C10orf67: variants seen among roughly 807,000 people sequenced by gnomAD.
C10orf67 encodes chromosome 10 open reading frame 67, also known as uncharacterized protein C10orf67, mitochondrial.
In C10orf67, 60 loss-of-function variants were observed where a neutral mutation model predicts 35.6. The ratio of observed to expected loss-of-function variants is 1.68; its 90% CI spans 1.37 to 2.09. The LOEUF (loss-of-function observed/expected upper bound fraction) is 2.09. C10orf67 is among the 30% of genes most tolerant of loss of function. C10orf67 has a pLI of 0.00. For missense variants in C10orf67, 474 were observed against 330.2 expected, an observed-to-expected ratio of 1.44 and a Z score of -3.38; for synonymous variants, 167 against 115.8, an observed-to-expected ratio of 1.44 and a Z score of -2.84.
At chr10:23,248,898 A>T (rs1842378195) in intron 12 of C10orf67, among the ~76,000 whole-genome samples, 1 of 152,124 alleles carries the variant, frequency 6.6e-6, no homozygotes, top group Non-Finnish European at 1.5e-5. Context: ...AACGATTAAT[A>T]TGATTGTCAA....
At chr10:23,333,204 T>G in intron 1 of C10orf67, 22 bp from the exon 2 acceptor site, 1 of 1,582,690 alleles carries the variant, frequency 6.3e-7, no homozygotes, top group South Asian at 1.1e-5. Context: ...GGAAATGAAA[T>G]GTGCTTTAAG....
intron 10 of C10orf67, among the ~76,000 whole-genome samples, chr10:23,254,425 G>T (rs1399021423): frequency 6.6e-6 from 1 of 152,086 alleles, no homozygotes; most frequent in African/African-American, 2.4e-5. Flanking sequence ...GGCCACGCTG[G>T]TCTTGAACTC....
intron 6 of C10orf67, among the ~76,000 whole-genome samples, chr10:23,290,164 T>C (rs1167992703): frequency 6.6e-6 from 1 of 152,156 alleles, no homozygotes; most frequent in African/African-American, 2.4e-5. Context: ...GATTAAGAAG[T>C]AAGTTCAAGA....
chr10:23,322,574 C>T (rs1216121956), intron 2 of C10orf67, 37 bp from the exon 3 acceptor site: 1 of 1,435,320 alleles, frequency 7.0e-7, no homozygotes, highest in African/African-American at 1.4e-5. Context: ...CGAAGTAACA[C>T]AGGAACAGAA....
In C10orf67 at chr10:23,261,504, G is replaced by T. The variant is rs1024527820; in HGVS notation, c.1200+4758C>A. ...CTTAAAAAATATCTGTAGAGGTGGGGTCTCACTATGTTGCCCAGGCTGGTC... is the reference window on the plus strand; with the variant it reads ...CTTAAAAAATATCTGTAGAGGTGGGTTCTCACTATGTTGCCCAGGCTGGTC... On this transcript the variant is annotated intron_variant, in intron 10 of 15. Transcript: ENST00000636213. Among the ~76,000 whole-genome samples the T allele has an allele frequency of 2.0e-5, 3 of 152,238 alleles. No individual in the cohort carries two copies. In the South Asian group the frequency reaches 6.2e-4, roughly 32 times the overall value.
intron 10 of C10orf67, among the ~76,000 whole-genome samples, chr10:23,259,306 A>T (rs1842686893): frequency 6.6e-6 from 1 of 152,194 alleles, no homozygotes; most frequent in Non-Finnish European, 1.5e-5. Flanking sequence ...TTCCTAATGA[A>T]AAATGCAGAG....
At chr10:23,225,267 C>T (rs1476162653) in intron 13 of C10orf67, among the ~76,000 whole-genome samples, 3 of 151,402 alleles carry the variant, frequency 2.0e-5, no homozygotes, top group Admixed American at 6.6e-5. Flanking sequence ...TCCAGCCAAA[C>T]TAAGCTTCAT....
In C10orf67 at chr10:23,344,554, C is replaced by G; in HGVS notation, c.206+15G>C. On this transcript the variant is annotated intron_variant, in intron 1 of 15. Transcript: ENST00000636213. ...GCTCGCTTCCTCCTCTACCCAGGCG[C>G]GGAGCTCAGCCTACCTCGTGGACCC... 1.3e-6 allele frequency: 2 copies of G among 1,563,700 alleles called. No individual in the cohort carries two copies. The highest frequency in any genetic ancestry group is 1.4e-5 in the African/African-American group (1 of 73,792).
intron 12 of C10orf67, among the ~76,000 whole-genome samples, chr10:23,248,148 G>A (rs112618273): frequency 6.6e-6 from 1 of 152,178 alleles, no homozygotes; most frequent in Admixed American, 6.5e-5. Context: ...TTATGCGCTT[G>A]ATAAACATGG....
intron 13 of C10orf67, among the ~76,000 whole-genome samples, chr10:23,226,046 C>T (rs1360091146): frequency 1.3e-5 from 2 of 152,248 alleles, no homozygotes; most frequent in Admixed American, 1.3e-4. Context: ...AGAAAGTTAA[C>T]AAGGATATCC....
At chr10:23,243,109 G>A (rs944349111) in intron 12 of C10orf67, among the ~76,000 whole-genome samples, 2 of 152,050 alleles carry the variant, frequency 1.3e-5, no homozygotes, top group African/African-American at 4.8e-5. Context: ...AAAGATAAAA[G>A]CATTTCATAA....
chr10:23,290,603 C>A (rs1843692169), intron 6 of C10orf67, among the ~76,000 whole-genome samples: 1 of 152,104 alleles, frequency 6.6e-6, no homozygotes, highest in Non-Finnish European at 1.5e-5. Flanking sequence ...ACAACTTTCA[C>A]CAATGTTTGT....
intron 12 of C10orf67, among the ~76,000 whole-genome samples, chr10:23,244,013 T>G (rs1842251036): frequency 6.6e-6 from 1 of 152,160 alleles, no homozygotes; most frequent in Non-Finnish European, 1.5e-5. Flanking sequence ...TGCCTCAGCC[T>G]CCCATGTAAC....
intron 5 of C10orf67, among the ~76,000 whole-genome samples, chr10:23,296,212 G>C (rs953316991): frequency 6.6e-6 from 1 of 151,776 alleles, no homozygotes; most frequent in Non-Finnish European, 1.5e-5. Context: ...AGATTTAATA[G>C]AGTTAAATAG....
intron 15 of C10orf67, among the ~76,000 whole-genome samples, chr10:23,216,362 G>A (rs1841429932): frequency 6.6e-6 from 1 of 152,116 alleles, no homozygotes; most frequent in African/African-American, 2.4e-5. Context: ...GCAACTCCAA[G>A]TGTTAGTAGG....
At chr10:23,308,588 A>G (rs910328647) in intron 4 of C10orf67, among the ~76,000 whole-genome samples, 7 of 152,080 alleles carry the variant, frequency 4.6e-5, no homozygotes, top group Non-Finnish European at 8.8e-5. Flanking sequence ...GTGCCTTTGT[A>G]CTTGGAGTTC....
At chr10:23,225,297 T>A (rs1004141998) in intron 13 of C10orf67, among the ~76,000 whole-genome samples, 4 of 152,062 alleles carry the variant, frequency 2.6e-5, no homozygotes, top group African/African-American at 9.7e-5. Context: ...AGAAATAAAA[T>A]CCTTTACAGA....
At chr10:23,277,200 T>C (rs1186586184) in intron 8 of C10orf67, among the ~76,000 whole-genome samples, 1 of 152,184 alleles carries the variant, frequency 6.6e-6, no homozygotes, top group African/African-American at 2.4e-5. Context: ...TGGCAGAGAA[T>C]ACAGAAGCAT....
Position 23,253,565 on chromosome 10 carries a change from A to G in C10orf67, c.1201-2874T>C, listed in dbSNP as rs570934740. 2.3e-3 allele frequency among the ~76,000 whole-genome samples: 358 copies of G among 152,352 alleles called. 1 individual carries two copies. The highest frequency in any genetic ancestry group is 3.8e-3 in the Non-Finnish European group (256 of 68,026). ...AAAAATTAATCCCCAGAAAATTAGG[A>G]AAACAAATCAGTAGAACAAAATAAT... On this transcript the variant is annotated intron_variant, in intron 10 of 15. Transcript: ENST00000636213.
Sources: gnomAD v4.1 joint callset for allele counts (sites outside exome capture counted in the v4.1 genomes callset) on GRCh38, gnomAD v4.1.1 for gene constraint, MANE v1.5 for transcripts, NCBI Gene and HGNC (gene_info 2026-07-23, HGNC 2026-07-21) for gene names.